Variants in VPS13A observed in about 807,000 individuals in gnomAD.
The protein encoded by VPS13A is vacuolar protein sorting 13 homolog A.
A neutral mutation model predicts 390.9 loss-of-function variants in VPS13A; 264 were observed. That is an observed-to-expected ratio of 0.68 (90% CI 0.61 to 0.75). The LOEUF is 0.75. Among genes scored for constraint, VPS13A ranks in the 30% least tolerant of loss-of-function variants. The probability of loss-of-function intolerance (pLI) is 0.00; values close to 1 mark genes in which losing one functional copy is unlikely to be tolerated. For synonymous variants in VPS13A, 1,231 were observed against 1,227.1 expected (o/e 1.00, Z -0.07); for missense variants, 3,409 against 3,733.9 (o/e 0.91, Z 2.27).
At position 77,372,866 on chromosome 9, in the gene VPS13A, A is replaced by G. The variant is rs1468004248; in HGVS notation, c.9077+1717A>G. Among the ~76,000 whole-genome samples, 7 of 152,144 alleles carry G rather than the reference A, an allele frequency of 4.6e-5. No homozygotes were observed. In the East Asian group the frequency reaches 5.8e-4, roughly 13 times the overall value. On this transcript the variant is annotated intron_variant, in intron 67 of 71. Transcript: ENST00000360280. ...ACAGACAAACAGAGAGCCAAATCATAAGTGAACTCCCATTCACAATTGCTT... is the reference window on the plus strand; with the variant it reads ...ACAGACAAACAGAGAGCCAAATCATGAGTGAACTCCCATTCACAATTGCTT...
In VPS13A at chr9:77,260,319, C is replaced by T. The variant is rs577464570; in HGVS notation, c.2427+95C>T. The T allele has an allele frequency of 8.4e-5, 99 of 1,175,740 alleles. No individual in the cohort carries two copies. In the South Asian group the frequency reaches 1.3e-3, roughly 16 times the overall value. The allele number at this position is 1,175,740 out of a possible 1,614,324, so 72.8% of individuals were successfully genotyped here. ...CAGGAATTTTATATAAGACAATTTG[C>T]AATTTGTTTTGAATAGACATTAAGA... On this transcript the variant is annotated intron_variant, in intron 23 of 71. Coordinates refer to ENST00000360280, the MANE Select transcript of VPS13A (RefSeq NM_033305.3).
chr9:77,237,915 T>C, intron 17 of VPS13A, 87 bp from the exon 18 acceptor site: 1 of 1,021,986 alleles, frequency 9.8e-7, no homozygotes, highest in Non-Finnish European at 1.5e-6. Context: ...TGAAGTTGTC[T>C]TCATTAATTT....
At chr9:77,313,479 T>C (rs897544190) in intron 35 of VPS13A, among the ~76,000 whole-genome samples, 4 of 152,216 alleles carry the variant, frequency 2.6e-5, no homozygotes, top group Admixed American at 2.0e-4. Context: ...ATAATGAGAA[T>C]TAGAAAGTGC....
At chr9:77,339,454 T>G in intron 47 of VPS13A, 62 bp from the exon 48 acceptor site, 1 of 1,455,288 alleles carries the variant, frequency 6.9e-7, no homozygotes, top group Non-Finnish European at 9.2e-7. Flanking sequence ...TAAATAGAAT[T>G]TTGAGGCATA....
chr9:77,204,525 CAT>C (rs1490284763), intron 3 of VPS13A, among the ~76,000 whole-genome samples: 6 of 151,724 alleles, frequency 4.0e-5, no homozygotes, highest in Non-Finnish European at 2.9e-5. Context: ...TGATTATTAC[CAT>C]ATGTGTATAT....
intron 67 of VPS13A, among the ~76,000 whole-genome samples, chr9:77,379,239 A>ATT (rs1324201977): frequency 5.7e-4 from 70 of 123,020 alleles, no homozygotes; most frequent in East Asian, 4.7e-3. Flanking sequence ...TACCCAGCTA[A>ATT]TTTTTTTTTT....
rs779897222 is a variant in VPS13A, at chr9:77,370,486, G to A, written c.8815G>A (p.Glu2939Lys). The change falls in exon 65 of 72, where the codon GAA becomes AAA. Residue 2939 changes from glutamate (E) to lysine (K), a missense_variant. Physicochemically the swap from Glu to Lys is moderately conservative, Grantham distance 56 (BLOSUM62 1). Coordinates refer to ENST00000360280, the MANE Select transcript of VPS13A (RefSeq NM_033305.3). ...GGGGGTAGCAGCTATGACCATGGAT[G>A]AAGACTACCAACAGAAGAGAAGAGA... ...AKGVAAMTMD[E>K]DYQQKRREAM... 6 of 1,614,040 alleles carry A rather than the reference G, an allele frequency of 3.7e-6. No homozygotes were observed. The Admixed American group carries it at 8.3e-5, about 22-fold the overall frequency.
intron 71 of VPS13A, among the ~76,000 whole-genome samples, chr9:77,414,645 C>T (rs1835089494): frequency 6.6e-6 from 1 of 151,668 alleles, no homozygotes; most frequent in Admixed American, 6.6e-5. Context: ...TGTTAAATGA[C>T]GAGTTGATGG....
chr9:77,197,409 T>G, intron 1 of VPS13A, among the ~76,000 whole-genome samples: 1 of 152,248 alleles, frequency 6.6e-6, no homozygotes, highest in East Asian at 1.9e-4. Context: ...CTCAATTCTG[T>G]CAGTGTTTGC....
Position 77,417,464 on chromosome 9 carries a change from T to G in VPS13A, c.*1458T>G, listed in dbSNP as rs139050715. ...TCTCAGTAGTTTCCCCCAAAATGCT[T>G]TTTTCTTTGCTGAACTTAAATTGAA... On this transcript the variant is annotated 3_prime_UTR_variant, in exon 72 of 72. Coordinates refer to ENST00000360280, the MANE Select transcript of VPS13A (RefSeq NM_033305.3). 4.4e-3 allele frequency: 671 copies of G among 152,242 alleles called. 3 individuals carry two copies. The highest frequency in any genetic ancestry group is 0.015 in the African/African-American group (634 of 41,566). The allele number at this position is 152,242 out of a possible 1,614,324, so 9.4% of individuals were successfully genotyped here.
intron 9 of VPS13A, 22 bp downstream of exon 9, chr9:77,213,336 G>C (rs898898482): frequency 6.4e-7 from 1 of 1,558,620 alleles, no homozygotes; most frequent in African/African-American, 1.4e-5. Context: ...TTTTCTGTAT[G>C]TATTTGTTGG....
intron 67 of VPS13A, among the ~76,000 whole-genome samples, chr9:77,379,239 ATTTTT>A (rs1324201977): frequency 8.1e-6 from 1 of 123,030 alleles, no homozygotes; most frequent in Non-Finnish European, 1.7e-5. Context: ...TACCCAGCTA[ATTTTT>A]TTTTTTTTTT....
At chr9:77,396,451 G>T (rs1834123070) in intron 68 of VPS13A, among the ~76,000 whole-genome samples, 1 of 152,164 alleles carries the variant, frequency 6.6e-6, no homozygotes, top group African/African-American at 2.4e-5. Flanking sequence ...TAGTCAGTAA[G>T]ATTTTATTTT....
At position 77,371,141 on chromosome 9, in the gene VPS13A, A is replaced by T. The variant is rs3737289; in HGVS notation, c.9069A>T (p.Gly3023=). 22 of 1,613,716 alleles carry T rather than the reference A, an allele frequency of 1.4e-5. No individual in the cohort carries two copies. The South Asian group carries it at 2.3e-4, about 17-fold the overall frequency. ...ACATGGCTAGCAGTACATTTCAGGG[A>T]ATAAAAAGGTAAATCCTCTTTGGTG... ...IIDMASSTFQ[G]IKRATETSEV... The change falls in exon 67 of 72, where the codon GGA becomes GGT. Residue 3023 remains glycine, a synonymous_variant. Transcript: ENST00000360280.
chr9:77,191,562 G>C (rs1327067876), intron 1 of VPS13A, among the ~76,000 whole-genome samples: 1 of 152,178 alleles, frequency 6.6e-6, no homozygotes, highest in East Asian at 1.9e-4. Flanking sequence ...GCCTTGCAAA[G>C]TACTGGGATT....
At chr9:77,381,922 A>T in intron 67 of VPS13A, 54 bp from the exon 68 acceptor site, 1 of 1,187,790 alleles carries the variant, frequency 8.4e-7, no homozygotes, top group Non-Finnish European at 1.2e-6. Flanking sequence ...TTTATAGTTT[A>T]TTTACAAGTT....
At chr9:77,180,037 A>C (rs556971103) in intron 1 of VPS13A, among the ~76,000 whole-genome samples, 1 of 152,240 alleles carries the variant, frequency 6.6e-6, no homozygotes, top group South Asian at 2.1e-4. Context: ...ATGTATGACT[A>C]TTTCATTTGC....
rs1587611951 is a variant in VPS13A at position 77,337,310 on chromosome 9, G to T, written c.6151G>T (p.Asp2051Tyr). 2 of 1,612,896 alleles carry T rather than the reference G, an allele frequency of 1.2e-6. No individual in the cohort carries two copies. Among genetic ancestry groups the T allele is most frequent in the East Asian group, 4.5e-5 (2 of 44,750 alleles). The change falls in exon 47 of 72, where the codon GAC (aspartate) becomes TAC (tyrosine). Residue 2051 changes from aspartate to tyrosine, a missense_variant. Physicochemically the swap from Asp to Tyr is radical, Grantham distance 160 (BLOSUM62 -3). Around this residue, in one of 5 missense-constraint regions of VPS13A, gnomAD observed 2,717 missense variants for 2,917.4 expected, o/e 0.93. Coordinates refer to ENST00000360280, the MANE Select transcript of VPS13A (RefSeq NM_033305.3). Reference protein sequence around the residue: ...DENYQMCEGIDFEEIIKNDGA... With the variant: ...DENYQMCEGIYFEEIIKNDGA... ...GAACTATCAAATGTGTGAAGGAATTGACTTTGAAGAGATTATAAAAAATGA... is the reference window on the plus strand; with the variant it reads ...GAACTATCAAATGTGTGAAGGAATTTACTTTGAAGAGATTATAAAAAATGA...
At chr9:77,368,610 A>G (rs992102391) in intron 62 of VPS13A, among the ~76,000 whole-genome samples, 1 of 152,154 alleles carries the variant, frequency 6.6e-6, no homozygotes. Flanking sequence ...ATCACTGAGC[A>G]TGACTCAGGA....
Sources: gnomAD v4.1 joint callset for allele counts (sites outside exome capture counted in the v4.1 genomes callset) on GRCh38, gnomAD v4.1.1 for gene constraint, gnomAD v4.1.1 regional missense constraint, MANE v1.5 for transcripts, NCBI Gene and HGNC (gene_info 2026-07-23, HGNC 2026-07-21) for gene names.